Variants in ATP5F1B observed in about 807,000 individuals in gnomAD.
The protein encoded by ATP5F1B is ATP synthase F(1) complex subunit beta, mitochondrial.
In ATP5F1B, 17 loss-of-function variants were observed where a neutral mutation model predicts 45.9. The observed-to-expected ratio is 0.37, with a 90% CI of 0.25 to 0.56. The LOEUF (loss-of-function observed/expected upper bound fraction) is 0.56, where lower values mean the gene tolerates loss of function less well. ATP5F1B is among the 20% of genes least tolerant of loss of function. The pLI is 0.80. For synonymous variants in ATP5F1B, 218 were observed against 256.5 expected (o/e 0.85, Z 1.43); for missense variants, 387 against 673.2 (o/e 0.57, Z 4.70).
At chr12:56,640,232 T>A (rs1325044408) in intron 7 of ATP5F1B, 40 bp from the exon 8 acceptor site, 17 of 443,344 alleles carry the variant, frequency 3.8e-5, no homozygotes, top group Non-Finnish European at 4.5e-5. Context: ...CCAAAGTAAA[T>A]TTTTTTTTTT....
At chr12:56,640,870 TAA>T (rs59336396) in intron 7 of ATP5F1B, among the ~76,000 whole-genome samples, 9 of 99,514 alleles carry the variant, frequency 9.0e-5, no homozygotes, top group East Asian at 2.9e-4. Flanking sequence ...GGGTCTCTAC[TAA>T]AAAAAAAAAA....
chr12:56,643,258 T>C (rs1404864792), intron 5 of ATP5F1B, 145 bp downstream of exon 5: 2 of 681,442 alleles, frequency 2.9e-6, no homozygotes, highest in Non-Finnish European at 2.2e-6. Context: ...AGGTTTCCTT[T>C]GTAGGCCCTG....
At position 56,645,322 on chromosome 12, in the gene ATP5F1B, C is replaced by A. The variant is rs11542648; in HGVS notation, c.159G>T (p.Ser53=). ...VRDYAAQTSP[S]PKAGAATGRI... ...GCCCGGTGGCGGCGCCTGCTTTTGG[C>A]GAAGGAGATGTTTGCGCCGCATAGT... Residue 53 remains serine, a synonymous_variant, in exon 2 of 10, where the codon TCG becomes TCT. Coordinates refer to ENST00000262030, the MANE Select transcript of ATP5F1B (RefSeq NM_001686.4). 6 of 1,613,946 alleles carry A rather than the reference C, an allele frequency of 3.7e-6. No individual in the cohort carries two copies. Among genetic ancestry groups the A allele is most frequent in the Non-Finnish European group, 4.2e-6 (5 of 1,179,934 alleles).
chr12:56,642,277 T>C (rs1951518035), intron 7 of ATP5F1B, among the ~76,000 whole-genome samples, 181 bp downstream of exon 7: 1 of 150,892 alleles, frequency 6.6e-6, no homozygotes, highest in Non-Finnish European at 1.5e-5. Flanking sequence ...ATTACAGGCA[T>C]GAACCACCAC....
intron 7 of ATP5F1B, among the ~76,000 whole-genome samples, chr12:56,642,115 G>A (rs1215092226): frequency 6.6e-6 from 1 of 151,724 alleles, no homozygotes; most frequent in Non-Finnish European, 1.5e-5. Flanking sequence ...TCCTGCCTCA[G>A]CCTCTGAGTA....
intron 1 of ATP5F1B, 93 bp downstream of exon 1, chr12:56,645,744 C>G: frequency 1.5e-5 from 23 of 1,550,478 alleles, no homozygotes; most frequent in Non-Finnish European, 2.0e-5. Flanking sequence ...CTTTTAACAC[C>G]ACGGATCCCT....
At position 56,645,503 on chromosome 12, in the gene ATP5F1B, G is replaced by T. The variant is rs760168222; in HGVS notation, c.128-150C>A. ...ACGCGTGTCCAAGAGGGAAGGCCGC[G>T]CAGCGATCGATAAAGCGCCTGCACA... On this transcript the variant is annotated intron_variant, in intron 1 of 9. Coordinates refer to ENST00000262030, the MANE Select transcript of ATP5F1B (RefSeq NM_001686.4). 6 of 1,003,208 alleles carry T rather than the reference G, an allele frequency of 6.0e-6. No individual in the cohort carries two copies. The African/African-American group carries it at 8.2e-5, about 14-fold the overall frequency. 62.1% of individuals were successfully genotyped at this position (1,003,208 alleles called of 1,614,324 possible). A position where few individuals can be genotyped will look rare whatever the true frequency, so the allele number is the denominator to read the frequency against.
intron 9 of ATP5F1B, 47 bp downstream of exon 9, chr12:56,639,058 TG>T (rs1565847148): frequency 6.4e-7 from 1 of 1,566,498 alleles, no homozygotes; most frequent in South Asian, 1.1e-5. Flanking sequence ...GTTGTTGGAA[TG>T]GGACCACAGC....
intron 3 of ATP5F1B, 43 bp downstream of exon 3, chr12:56,644,738 A>T: frequency 6.4e-7 from 1 of 1,567,090 alleles, no homozygotes; most frequent in Non-Finnish European, 8.7e-7. Context: ...AACTGCAAAT[A>T]ACAGAAGTTC....
At chr12:56,639,923 C>T in intron 8 of ATP5F1B, 57 bp downstream of exon 8, 1 of 1,566,788 alleles carries the variant, frequency 6.4e-7, no homozygotes, top group Non-Finnish European at 8.8e-7. Context: ...TCATATAGTC[C>T]CCACAGGCCC....
intron 3 of ATP5F1B, 62 bp from the exon 4 acceptor site, chr12:56,644,020 T>G: frequency 6.3e-7 from 1 of 1,576,344 alleles, no homozygotes; most frequent in Non-Finnish European, 8.6e-7. Context: ...GATAATCTTA[T>G]ATATCCCTCC....
chr12:56,643,961 G>A lies in ATP5F1B; in HGVS notation c.486-3C>T, dbSNP rs771745061. The stretch of plus-strand genomic sequence containing the variant: ...CCTCAGCATGAATGGGAGCAAATCT[G>A]TAAAGGTAGAAGAGAGGATAGTATC... On this transcript the variant is annotated splice_polypyrimidine_tract_variant and splice_region_variant and intron_variant, in intron 3 of 9. Coordinates refer to ENST00000262030, the MANE Select transcript of ATP5F1B (RefSeq NM_001686.4). The A allele has an allele frequency of 2.7e-5, 44 of 1,613,618 alleles. No individual in the cohort carries two copies. Among genetic ancestry groups the A allele is most frequent in the Middle Eastern group, 1.6e-4 (1 of 6,082 alleles).
Position 56,643,306 on chromosome 12 carries a change from GA to G in ATP5F1B, c.792+96del, listed in dbSNP as rs980114645. 2.7e-4 allele frequency: 317 copies of G among 1,167,884 alleles called. 2 individuals carry two copies. The African/African-American group carries it at 3.4e-3, about 12-fold the overall frequency. 72.3% of individuals were successfully genotyped at this position (1,167,884 alleles called of 1,614,324 possible). On this transcript the variant is annotated intron_variant, in intron 5 of 9. Coordinates refer to ENST00000262030, the MANE Select transcript of ATP5F1B (RefSeq NM_001686.4). ...GAAAATATTAACATTTTCTTAAAAAGAAAAAAAAATTAAATAGAAAATATAG... is the reference window on the plus strand; with the variant it reads ...GAAAATATTAACATTTTCTTAAAAAGAAAAAAAATTAAATAGAAAATATAG...
intron 7 of ATP5F1B, 26 bp downstream of exon 7, chr12:56,642,432 A>T (rs775715405): frequency 1.9e-6 from 3 of 1,612,708 alleles, no homozygotes; most frequent in East Asian, 2.2e-5. Flanking sequence ...TACAAATCAG[A>T]TCTTCATCTA....
In ATP5F1B at chr12:56,639,116, C is replaced by A. The variant is rs145015204; in HGVS notation, c.1479G>T (p.Gln493His). The A allele has an allele frequency of 5.8e-4, 935 of 1,614,156 alleles. 1 individual carries two copies. The highest frequency in any genetic ancestry group is 6.1e-4 in the Non-Finnish European group (719 of 1,180,032). ...PLKETIKGFQQILAGEYDHLP... is the reference protein window; with the variant it reads ...PLKETIKGFQHILAGEYDHLP... ...TACTCAAAATCTCACCTGCCAAAAT[C>A]TGCTGGAATCCTTTGATGGTCTCCT... The change falls in exon 9 of 10, where the codon CAG (glutamine) becomes CAT (histidine). Residue 493 changes from glutamine (Q) to histidine (H), a missense_variant. Physicochemically the swap from Gln to His is conservative, Grantham distance 24. Coordinates refer to ENST00000262030, the MANE Select transcript of ATP5F1B (RefSeq NM_001686.4).
At chr12:56,642,973 A>T (rs769605471) in intron 5 of ATP5F1B, 142 bp from the exon 6 acceptor site, 16 of 869,570 alleles carry the variant, frequency 1.8e-5, no homozygotes, top group Non-Finnish European at 2.7e-5. Context: ...TTTCCCTATT[A>T]GAGATGCAGT....
chr12:56,638,512 C>T, intron 9 of ATP5F1B, 89 bp from the exon 10 acceptor site: 3 of 982,704 alleles, frequency 3.1e-6, no homozygotes, highest in South Asian at 1.4e-5. Flanking sequence ...CACTTCAGGC[C>T]ATCAGTTAGA....
chr12:56,641,579 C>T (rs1285193040), intron 7 of ATP5F1B, among the ~76,000 whole-genome samples: 1 of 151,406 alleles, frequency 6.6e-6, no homozygotes, highest in Non-Finnish European at 1.5e-5. Context: ...TATCACTCTG[C>T]CGCCCAGGCT....
Position 56,642,598 on chromosome 12 carries a change from C to T in ATP5F1B, c.952-18G>A. ...GCAGACACCTAAAAGAAAAAAAGGT[C>T]TTAGGTGTCTACATCCTTAGCCTCA... On this transcript the variant is annotated intron_variant, in intron 6 of 9. Transcript: ENST00000262030. 1.9e-6 allele frequency: 3 copies of T among 1,614,056 alleles called. No individual in the cohort carries two copies. The highest frequency in any genetic ancestry group is 2.5e-6 in the Non-Finnish European group (3 of 1,179,982).
Sources: gnomAD v4.1 joint callset for allele counts (sites outside exome capture counted in the v4.1 genomes callset) on GRCh38, gnomAD v4.1.1 for gene constraint, MANE v1.5 for transcripts, NCBI Gene and HGNC (gene_info 2026-07-23, HGNC 2026-07-21) for gene names.